Variants in UNC5A observed in about 807,000 individuals in gnomAD.
UNC5A encodes the protein unc-5 netrin receptor A.
Under a neutral mutation model 87.4 loss-of-function variants are expected in UNC5A, and 20 were observed. The observed-to-expected ratio is 0.23, with a 90% CI of 0.16 to 0.33. The LOEUF (loss-of-function observed/expected upper bound fraction) is 0.33. UNC5A is among the 10% of genes least tolerant of loss of function. The pLI is 1.00. For missense variants in UNC5A, 844 were observed against 1,133.4 expected, an observed-to-expected ratio of 0.74 and a Z score of 3.67; for synonymous variants, 438 against 482.3, an observed-to-expected ratio of 0.91 and a Z score of 1.20.
intron 1 of UNC5A, among the ~76,000 whole-genome samples, chr5:176,853,937 C>T (rs1757604948): frequency 6.6e-6 from 1 of 152,236 alleles, no homozygotes; most frequent in Non-Finnish European, 1.5e-5. Flanking sequence ...ACCTCATCCG[C>T]TATTTGCCCG....
chr5:176,868,475 G>A (rs577727748), intron 3 of UNC5A, 86 bp from the exon 4 acceptor site: 20 of 1,477,742 alleles, frequency 1.4e-5, no homozygotes, highest in East Asian at 7.4e-5. Context: ...CATGTGCCAC[G>A]GCCCCTGCAG....
chr5:176,868,313 G>A (rs868676462), intron 3 of UNC5A, 40 bp downstream of exon 3: 10 of 1,609,390 alleles, frequency 6.2e-6, no homozygotes, highest in Middle Eastern at 1.7e-4. Context: ...GCGCACGGCG[G>A]GAGGGTGTCA....
intron 1 of UNC5A, among the ~76,000 whole-genome samples, chr5:176,822,252 C>T (rs975429814): frequency 6.6e-6 from 1 of 152,242 alleles, no homozygotes; most frequent in African/African-American, 2.4e-5. Flanking sequence ...ACTTTTGGCC[C>T]CCCTCTGTGA....
chr5:176,826,346 G>A (rs1756852489), intron 1 of UNC5A, among the ~76,000 whole-genome samples: 2 of 152,226 alleles, frequency 1.3e-5, no homozygotes, highest in Admixed American at 6.5e-5. Context: ...GGCAAGGGTA[G>A]AAGCCATGGG....
intron 2 of UNC5A, chr5:176,864,823 TAG>T (rs2149364963): frequency 2.2e-6 from 1 of 456,006 alleles, no homozygotes; most frequent in South Asian, 1.5e-5. Context: ...CAGAGGGAGA[TAG>T]AGAGGGTTGG....
intron 1 of UNC5A, among the ~76,000 whole-genome samples, chr5:176,854,292 GTC>G (rs1216736012): frequency 1.5e-5 from 2 of 131,684 alleles, no homozygotes. Context: ...CCCTGTCTCT[GTC>G]TCTCTCTGTC....
chr5:176,818,268 C>T (rs1283402256), intron 1 of UNC5A, among the ~76,000 whole-genome samples: 2 of 152,282 alleles, frequency 1.3e-5, no homozygotes, highest in East Asian at 3.9e-4. Context: ...CCGGGGCTTC[C>T]GATGCACCCG....
chr5:176,874,109 T>G lies in UNC5A; in HGVS notation c.1028T>G (p.Ile343Ser). ...GACTCAGATGTGGCTGACTCGTCCA[T>G]TCTCACCTCAGGCTTCCAGCCCGTC... ...GLDSDVADSS[I>S]LTSGFQPVSI... is the part of the protein sequence containing the mutation. Residue 343 changes from isoleucine to serine, a missense_variant, in exon 7 of 15, where the codon ATT becomes AGT. This residue lies in a region of UNC5A where 353 missense variants were observed against 387.5 expected (regional missense o/e 0.91). Transcript: ENST00000329542. This position sits in a 1 kb window ranked among gnomAD's most constrained non-coding sequence, Gnocchi z 7.6. 6.2e-7 allele frequency: 1 copy of G among 1,613,992 alleles called. No individual in the cohort carries two copies. The highest frequency in any genetic ancestry group is 8.5e-7 in the Non-Finnish European group (1 of 1,179,958).
chr5:176,835,077 C>T (rs1757120596), intron 1 of UNC5A, among the ~76,000 whole-genome samples: 1 of 152,228 alleles, frequency 6.6e-6, no homozygotes, highest in Admixed American at 6.5e-5. Flanking sequence ...GTGGGCAACC[C>T]CTGCACTCTG....
chr5:176,837,466 A>T (rs539668543), intron 1 of UNC5A, among the ~76,000 whole-genome samples: 2 of 152,132 alleles, frequency 1.3e-5, no homozygotes, highest in Non-Finnish European at 2.9e-5. Context: ...ATAGGAGCTG[A>T]CGTATGAGCC....
chr5:176,861,355 C>G (rs1434939549), intron 1 of UNC5A, among the ~76,000 whole-genome samples: 2 of 152,232 alleles, frequency 1.3e-5, no homozygotes, highest in Non-Finnish European at 2.9e-5. Flanking sequence ...GTGGATGGAC[C>G]TGCCTGAAGT....
chr5:176,832,069 G>A (rs1757044966), intron 1 of UNC5A, among the ~76,000 whole-genome samples: 1 of 151,812 alleles, frequency 6.6e-6, no homozygotes, highest in Non-Finnish European at 1.5e-5. Flanking sequence ...GCTAATTTTT[G>A]TATTTTTATT....
At chr5:176,877,412 C>A (rs1758289669) in intron 9 of UNC5A, 123 bp from the exon 10 acceptor site, 2 of 1,341,662 alleles carry the variant, frequency 1.5e-6, no homozygotes, top group African/African-American at 2.9e-5. Context: ...CTAAGCCCCA[C>A]GTGGTCCTGC....
chr5:176,878,983 G>T (rs475533), intron 13 of UNC5A, among the ~76,000 whole-genome samples: 161 of 152,310 alleles, frequency 1.1e-3, no homozygotes, highest in African/African-American at 3.7e-3. Context: ...GGTGAGAGCT[G>T]GGCAGGGGGG....
intron 1 of UNC5A, among the ~76,000 whole-genome samples, chr5:176,829,416 A>AATGG (rs770947463): frequency 0.06 from 4,550 of 75,982 alleles, 291 homozygotes; most frequent in African/African-American, 0.17. Flanking sequence ...ATGAAAGATG[A>AATGG]ATGGATGGAT....
intron 1 of UNC5A, among the ~76,000 whole-genome samples, chr5:176,812,940 C>T (rs533810846): frequency 1.4e-4 from 21 of 152,322 alleles, no homozygotes; most frequent in African/African-American, 5.1e-4. Flanking sequence ...GCCTCCGTTG[C>T]AACAGCCTCC....
At chr5:176,825,110 T>C (rs1756822123) in intron 1 of UNC5A, among the ~76,000 whole-genome samples, 1 of 152,240 alleles carries the variant, frequency 6.6e-6, no homozygotes, top group Non-Finnish European at 1.5e-5. Flanking sequence ...TAAAAGATAA[T>C]TGGAAACTGG....
intron 1 of UNC5A, among the ~76,000 whole-genome samples, chr5:176,835,084 T>C (rs1757120700): frequency 6.6e-6 from 1 of 152,240 alleles, no homozygotes; most frequent in African/African-American, 2.4e-5. Context: ...ACCCCTGCAC[T>C]CTGCAGGCAG....
intron 1 of UNC5A, among the ~76,000 whole-genome samples, chr5:176,823,483 A>C (rs1422271062): frequency 6.6e-6 from 1 of 152,134 alleles, no homozygotes; most frequent in Admixed American, 6.5e-5. Context: ...AGAGACGTCC[A>C]ACAGGTCCTG....
Sources: allele counts gnomAD v4.1 joint callset (sites outside exome capture counted in the v4.1 genomes callset), GRCh38; gene constraint gnomAD v4.1.1; regional missense constraint gnomAD v4.1.1; non-coding constraint Gnocchi (gnomAD v3.1); transcripts MANE v1.5; gene names NCBI Gene and HGNC (gene_info 2026-07-23, HGNC 2026-07-21).